TDRD7: variants seen among roughly 807,000 people sequenced by gnomAD.
The protein encoded by TDRD7 is tudor domain-containing protein 7.
In TDRD7, 47 loss-of-function variants were observed where a neutral mutation model predicts 109.8. That is an observed-to-expected ratio of 0.43 (90% CI 0.34 to 0.55). The LOEUF (loss-of-function observed/expected upper bound fraction) is 0.55, where lower values mean the gene tolerates loss of function less well. Ranked by LOEUF, TDRD7 falls within the 20% of genes least tolerant of loss-of-function variation. The probability of loss-of-function intolerance (pLI) is 0.03; values close to 1 mark genes in which losing one functional copy is unlikely to be tolerated. For missense variants in TDRD7, 1,164 were observed against 1,319.2 expected, an observed-to-expected ratio of 0.88 and a Z score of 1.82; for synonymous variants, 424 against 457.3, an observed-to-expected ratio of 0.93 and a Z score of 0.93.
intron 1 of TDRD7, among the ~76,000 whole-genome samples, chr9:97,413,622 C>T (rs1827762026): frequency 2.6e-5 from 4 of 152,170 alleles, no homozygotes; most frequent in Admixed American, 2.6e-4. Flanking sequence ...TTCCTCTCAG[C>T]TGACATTCAT....
intron 1 of TDRD7, among the ~76,000 whole-genome samples, chr9:97,422,763 T>C (rs1382087136): frequency 6.6e-6 from 1 of 152,242 alleles, no homozygotes; most frequent in Non-Finnish European, 1.5e-5. Flanking sequence ...TTGTCAGCTG[T>C]CTTTTTTTCA....
chr9:97,477,397 C>T (rs1404113659), intron 12 of TDRD7, among the ~76,000 whole-genome samples: 3 of 152,218 alleles, frequency 2.0e-5, no homozygotes, highest in African/African-American at 7.2e-5. Context: ...CTGGCAGTTA[C>T]TCAGCCTTTC....
At chr9:97,428,794 T>C in intron 2 of TDRD7, 122 bp downstream of exon 2, 1 of 906,968 alleles carries the variant, frequency 1.1e-6, no homozygotes, top group South Asian at 1.4e-5. Flanking sequence ...TGTTTGGGAT[T>C]GGTAGTGACA....
intron 1 of TDRD7, among the ~76,000 whole-genome samples, chr9:97,425,313 A>G (rs1297649668): frequency 6.6e-6 from 1 of 152,222 alleles, no homozygotes; most frequent in Non-Finnish European, 1.5e-5. Context: ...AATGGACTGC[A>G]TAATCATTTG....
At chr9:97,488,852 A>G (rs112376034) in intron 16 of TDRD7, among the ~76,000 whole-genome samples, 8 of 152,198 alleles carry the variant, frequency 5.3e-5, no homozygotes, top group Non-Finnish European at 1.5e-5. Context: ...TTGATGTGCT[A>G]TATTTTCATT....
At chr9:97,472,057 T>C (rs1239846060) in intron 9 of TDRD7, among the ~76,000 whole-genome samples, 1 of 152,200 alleles carries the variant, frequency 6.6e-6, no homozygotes, top group Non-Finnish European at 1.5e-5. Flanking sequence ...TATCCGTTTC[T>C]CTGCTTGTTT....
chr9:97,470,170 A>ACACAC (rs1828886728), intron 8 of TDRD7, among the ~76,000 whole-genome samples: 1 of 152,232 alleles, frequency 6.6e-6, no homozygotes, highest in South Asian at 2.1e-4. Context: ...GGAAATGTGT[A>ACACAC]ACTCAAAAAA....
intron 16 of TDRD7, among the ~76,000 whole-genome samples, chr9:97,493,502 G>A (rs1226807747): frequency 4.6e-5 from 7 of 152,126 alleles, no homozygotes; most frequent in Non-Finnish European, 4.4e-5. Flanking sequence ...ATGGAGGCAG[G>A]GCGAGATCAC....
intron 4 of TDRD7, among the ~76,000 whole-genome samples, chr9:97,436,651 A>G (rs897351951): frequency 1.3e-5 from 2 of 152,234 alleles, no homozygotes; most frequent in Admixed American, 6.5e-5. Flanking sequence ...ACTCAATATT[A>G]TGTAATATGT....
chr9:97,478,424 C>G lies in TDRD7; in HGVS notation c.2167-15C>G, dbSNP rs1330129375. 45 of 1,613,796 alleles carry G rather than the reference C, an allele frequency of 2.8e-5. No individual in the cohort carries two copies. The highest frequency in any genetic ancestry group is 9.3e-5 in the African/African-American group (7 of 74,878). On this transcript the variant is annotated splice_polypyrimidine_tract_variant and intron_variant, in intron 12 of 16. Transcript: ENST00000355295. ...GAATATGCTAATAAATGAGCCAACA[C>G]TTATCTCATTTCAGATCACAAATGT...
intron 16 of TDRD7, among the ~76,000 whole-genome samples, chr9:97,495,260 TTC>T (rs906535681): frequency 2.6e-5 from 4 of 152,348 alleles, no homozygotes; most frequent in African/African-American, 9.6e-5. Context: ...CATACAATAA[TTC>T]TTTTTTTTTA....
At chr9:97,489,258 C>G (rs1000567053) in intron 16 of TDRD7, among the ~76,000 whole-genome samples, 2 of 152,198 alleles carry the variant, frequency 1.3e-5, no homozygotes, top group Non-Finnish European at 2.9e-5. Flanking sequence ...CTCTACCTAT[C>G]AGAGTGGATT....
chr9:97,456,213 T>C (rs1317270984), intron 6 of TDRD7, among the ~76,000 whole-genome samples: 1 of 152,168 alleles, frequency 6.6e-6, no homozygotes, highest in South Asian at 2.1e-4. Context: ...TCCTCATGGA[T>C]AGGAAGAATC....
intron 1 of TDRD7, among the ~76,000 whole-genome samples, chr9:97,426,811 A>T (rs1321893770): frequency 6.6e-6 from 1 of 152,220 alleles, no homozygotes; most frequent in Non-Finnish European, 1.5e-5. Flanking sequence ...AATTAATAGC[A>T]GGACAAACAG....
intron 8 of TDRD7, among the ~76,000 whole-genome samples, chr9:97,469,074 A>C (rs2131160050): frequency 6.6e-6 from 1 of 152,362 alleles, no homozygotes; most frequent in Non-Finnish European, 1.5e-5. Context: ...TCTTGTGCTA[A>C]GAATACATTC....
intron 16 of TDRD7, among the ~76,000 whole-genome samples, chr9:97,489,660 A>T (rs1469628500): frequency 6.6e-6 from 1 of 152,142 alleles, no homozygotes; most frequent in Non-Finnish European, 1.5e-5. Flanking sequence ...TTATTAATAT[A>T]GTTGGATTAA....
In TDRD7 at chr9:97,487,347, A is replaced by T; in HGVS notation, c.3076+15A>T. 1 of 1,613,842 alleles carries T rather than the reference A, an allele frequency of 6.2e-7. No individual in the cohort carries two copies. Among genetic ancestry groups the T allele is most frequent in the Non-Finnish European group, 8.5e-7 (1 of 1,179,792 alleles). On this transcript the variant is annotated intron_variant, in intron 16 of 16. Transcript: ENST00000355295. ...TCAACTTGCAGGTAATTTCTGTGGA[A>T]TCTGAACTCATGCTACAACAATGCA... is the stretch of plus-strand genomic sequence containing the variant.
At chr9:97,492,489 G>A (rs1195338280) in intron 16 of TDRD7, among the ~76,000 whole-genome samples, 1 of 152,184 alleles carries the variant, frequency 6.6e-6, no homozygotes, top group Non-Finnish European at 1.5e-5. Context: ...TGAGATTCAA[G>A]TCATTTAACT....
chr9:97,433,411 A>G (rs1326192835), intron 4 of TDRD7, among the ~76,000 whole-genome samples: 1 of 152,060 alleles, frequency 6.6e-6, no homozygotes, highest in African/African-American at 2.4e-5. Flanking sequence ...CCAGTATGTG[A>G]CAGAGGTATT....
Sources: allele counts gnomAD v4.1 joint callset (sites outside exome capture counted in the v4.1 genomes callset), GRCh38; gene constraint gnomAD v4.1.1; transcripts MANE v1.5; gene names NCBI Gene and HGNC (gene_info 2026-07-23, HGNC 2026-07-21).